The following GIMD1 variants were observed in gnomAD, a reference collection of about 807,000 sequenced individuals.
GIMD1 encodes GTPase IMAP family member GIMD1.
A neutral mutation model predicts 14.9 loss-of-function variants in GIMD1; 14 were observed. The ratio of observed to expected loss-of-function variants is 0.94; its 90% CI spans 0.62 to 1.47. GIMD1 has a LOEUF of 1.47. Ranked by LOEUF, GIMD1 falls within the 40% of genes most tolerant of loss-of-function variation. GIMD1 has a pLI of 0.00. For missense variants in GIMD1, 272 were observed against 255.3 expected (o/e 1.07, Z -0.44); for synonymous variants, 91 against 90.5 (o/e 1.01, Z -0.03).
rs1445234041 is a variant in GIMD1, at chr4:106,358,424, C to T, written c.413G>A (p.Trp138Ter). 4.0e-6 allele frequency: 6 copies of T among 1,513,970 alleles called. No homozygotes were observed. The highest frequency in any genetic ancestry group is 5.3e-6 in the Non-Finnish European group (6 of 1,140,214). 93.8% of individuals were successfully genotyped at this position (1,513,970 alleles called of 1,614,324 possible). The change falls in exon 3 of 3, where the codon TGG becomes TAG. Residue 138 changes from tryptophan to a stop codon, truncating the protein, a stop_gained. Coordinates refer to ENST00000638719, the MANE Select transcript of GIMD1 (RefSeq NM_001195138.2). LOFTEE classifies it high-confidence loss of function. ...QMIQELLGHA[W>*]MNYTAILFTH... ...AAAAAGAATGGCTGTGTAATTCATC[C>T]AAGCATGTCCAAGAAGTTCCTGAAA...
In GIMD1 at chr4:106,358,294, G is replaced by A. The variant is rs1259336531; in HGVS notation, c.543C>T (p.Tyr181=). 2.6e-6 allele frequency: 4 copies of A among 1,532,306 alleles called. No individual in the cohort carries two copies. In the East Asian group the frequency reaches 7.4e-5, roughly 28 times the overall value. The allele number at this position is 1,532,306 out of a possible 1,614,324, so 94.9% of individuals were successfully genotyped here. ...ATTTTCCTTTTTTGTACTGGAAAAC[G>A]TATTTGTGCTGAATAGAATTTAGCA... is the stretch of plus-strand genomic sequence containing the variant. The part of the protein sequence containing the change: ...KTLLNSIQHK[Y]VFQYKKGKSL... Residue 181 remains tyrosine, a synonymous_variant, in exon 3 of 3, where the codon TAC becomes TAT. Transcript: ENST00000638719.
intron 1 of GIMD1, 57 bp from the exon 2 acceptor site, chr4:106,367,494 A>T (rs1455296197): frequency 7.0e-7 from 1 of 1,437,126 alleles, no homozygotes; most frequent in Admixed American, 2.5e-5. Flanking sequence ...CCCCCAATGT[A>T]AGTTTTCTTA....
Position 106,367,044 on chromosome 4 carries a change from T to A in GIMD1, c.392A>T (p.Gln131Leu). Reference protein sequence around the residue: ...QEVTDPVQMIQELLGHAWMNY... With the variant: ...QEVTDPVQMILELLGHAWMNY... Reference sequence around the variant, plus strand: ...AGTGTAATTGCATCTTAGTATTACCTGGATCATCTGGACTGGGTCAGTTAC... The same window carrying A: ...AGTGTAATTGCATCTTAGTATTACCAGGATCATCTGGACTGGGTCAGTTAC... Residue 131 changes from glutamine (Q) to leucine (L), a missense_variant and splice_region_variant, in exon 2 of 3, where the codon CAG becomes CTG. Transcript: ENST00000638719. The A allele has an allele frequency of 6.6e-7, 1 of 1,511,634 alleles. No individual in the cohort carries two copies. Among genetic ancestry groups the A allele is most frequent in the Non-Finnish European group, 8.8e-7 (1 of 1,133,286 alleles). 93.6% of individuals were successfully genotyped at this position (1,511,634 alleles called of 1,614,324 possible).
chr4:106,366,440 C>T (rs968479321), intron 2 of GIMD1, among the ~76,000 whole-genome samples: 1 of 152,086 alleles, frequency 6.6e-6, no homozygotes. Flanking sequence ...TGTTTAGATG[C>T]TCAATAGAGT....
At chr4:106,358,607 G>C (rs1372764943) in intron 2 of GIMD1, among the ~76,000 whole-genome samples, 164 bp from the exon 3 acceptor site, 1 of 151,944 alleles carries the variant, frequency 6.6e-6, no homozygotes, top group Non-Finnish European at 1.5e-5. Flanking sequence ...AGTATTTTAA[G>C]TAAATGGAGG....
intron 1 of GIMD1, among the ~76,000 whole-genome samples, chr4:106,368,193 C>T (rs756748589): frequency 6.6e-6 from 1 of 152,032 alleles, no homozygotes; most frequent in African/African-American, 2.4e-5. Flanking sequence ...ACATATTGGG[C>T]AGCTCAGTTA....
chr4:106,359,976 T>C (rs1307018021), intron 2 of GIMD1, among the ~76,000 whole-genome samples: 1 of 152,016 alleles, frequency 6.6e-6, no homozygotes, highest in African/African-American at 2.4e-5. Flanking sequence ...GCAAGATTCA[T>C]GTCTTTCCAT....
intron 2 of GIMD1, among the ~76,000 whole-genome samples, chr4:106,363,982 A>G (rs1770655783): frequency 6.6e-6 from 1 of 150,848 alleles, no homozygotes. Context: ...TGACTATATT[A>G]TATCTTCTCT....
Position 106,361,818 on chromosome 4 carries a change from T to C in GIMD1, c.394-3375A>G, listed in dbSNP as rs190697878. ...TTTGCCTCCTTAAATATTTTTGAAATACAGTATTGCTACAATAAATGTGCA... is the reference window on the plus strand; with the variant it reads ...TTTGCCTCCTTAAATATTTTTGAAACACAGTATTGCTACAATAAATGTGCA... On this transcript the variant is annotated intron_variant, in intron 2 of 2. Transcript: ENST00000638719. Among the ~76,000 whole-genome samples, 740 of 152,232 alleles carry C rather than the reference T, an allele frequency of 4.9e-3. 4 individuals carry two copies. Among genetic ancestry groups the C allele is most frequent in the African/African-American group, 0.017 (711 of 41,550 alleles).
chr4:106,366,418 G>C (rs985839730), intron 2 of GIMD1, among the ~76,000 whole-genome samples: 1 of 152,052 alleles, frequency 6.6e-6, no homozygotes, highest in Non-Finnish European at 1.5e-5. Flanking sequence ...TCATTTACCA[G>C]TAATTAAGCA....
intron 2 of GIMD1, among the ~76,000 whole-genome samples, chr4:106,363,709 AT>A (rs1770648824): frequency 6.6e-6 from 1 of 152,112 alleles, no homozygotes; most frequent in African/African-American, 2.4e-5. Context: ...TTTTAACTAA[AT>A]TCTAACAACT....
At chr4:106,360,731 G>A (rs369081453) in intron 2 of GIMD1, among the ~76,000 whole-genome samples, 5 of 152,048 alleles carry the variant, frequency 3.3e-5, no homozygotes, top group East Asian at 3.9e-4. Context: ...GGAAATTTGG[G>A]CAAAGACGCA....
chr4:106,360,353 T>G (rs1770595043), intron 2 of GIMD1, among the ~76,000 whole-genome samples: 1 of 152,070 alleles, frequency 6.6e-6, no homozygotes, highest in Non-Finnish European at 1.5e-5. Flanking sequence ...TAGGGAATAA[T>G]TACTGTAATA....
At chr4:106,358,860 C>T (rs1715537258) in intron 2 of GIMD1, among the ~76,000 whole-genome samples, 1 of 102,772 alleles carries the variant, frequency 9.7e-6, no homozygotes, top group South Asian at 3.6e-4. Context: ...TTATCATTAT[C>T]ATTAAAAGCA....
chr4:106,358,828 GGAA>G (rs1293916483), intron 2 of GIMD1, among the ~76,000 whole-genome samples: 1 of 134,586 alleles, frequency 7.4e-6, no homozygotes, highest in African/African-American at 2.8e-5. Context: ...CTTAGTCAAG[GGAA>G]TTGTTTTATC....
chr4:106,366,954 A>T (rs890557211), intron 2 of GIMD1, 89 bp downstream of exon 2: 4 of 342,032 alleles, frequency 1.2e-5, no homozygotes, highest in East Asian at 5.8e-5. Context: ...TATAATAATA[A>T]TAATATTATT....
At chr4:106,364,097 T>G (rs1252447256) in intron 2 of GIMD1, among the ~76,000 whole-genome samples, 1 of 152,128 alleles carries the variant, frequency 6.6e-6, no homozygotes, top group African/African-American at 2.4e-5. Context: ...CTCACTGATA[T>G]CTCTTTCATT....
rs572647320 is a variant in GIMD1 at position 106,362,420 on chromosome 4, A to T, written c.394-3977T>A. Among the ~76,000 whole-genome samples the T allele has an allele frequency of 4.6e-4, 70 of 152,236 alleles. No individual in the cohort carries two copies. In the South Asian group the frequency reaches 0.014, roughly 31 times the overall value. On this transcript the variant is annotated intron_variant, in intron 2 of 2. Coordinates refer to ENST00000638719, the MANE Select transcript of GIMD1 (RefSeq NM_001195138.2). ...AAAGCAAGATAAGTTAATGTAAGTT[A>T]TCTGGTGTTAATAATTTAAATATAG...
At chr4:106,358,994 T>G (rs755480795) in intron 2 of GIMD1, among the ~76,000 whole-genome samples, 2 of 151,952 alleles carry the variant, frequency 1.3e-5, no homozygotes, top group South Asian at 2.1e-4. Context: ...ATATTATAAC[T>G]GTGAGTCTCA....
Sources: gnomAD v4.1 joint callset for allele counts (sites outside exome capture counted in the v4.1 genomes callset) on GRCh38, gnomAD v4.1.1 for gene constraint, MANE v1.5 for transcripts, NCBI Gene and HGNC (gene_info 2026-07-23, HGNC 2026-07-21) for gene names.